Variants in LINGO2 observed in about 807,000 individuals in gnomAD.
LINGO2 encodes the protein leucine-rich repeat and immunoglobulin-like domain-containing nogo receptor-interacting protein 2.
A neutral mutation model predicts 30.6 loss-of-function variants in LINGO2; 14 were observed. The observed-to-expected ratio is 0.46, with a 90% CI of 0.30 to 0.72. The LOEUF is 0.72. LINGO2 is among the 30% of genes least tolerant of loss of function. The probability of loss-of-function intolerance (pLI) is 0.07; values close to 1 mark genes in which losing one functional copy is unlikely to be tolerated. For missense variants in LINGO2, 729 were observed against 751.7 expected (o/e 0.97, Z 0.35); for synonymous variants, 317 against 288.5 (o/e 1.10, Z -1.00).
chr9:28,359,051 G>A (rs781183542), intron 3 of LINGO2, among the ~76,000 whole-genome samples: 3 of 152,120 alleles, frequency 2.0e-5, no homozygotes, highest in Non-Finnish European at 2.9e-5. Context: ...TGCGCAAGAT[G>A]CCCTTGAAAA....
At chr9:29,128,139 T>A in the LINGO2 span, among the ~76,000 whole-genome samples, 1 of 152,058 alleles carries the variant, frequency 6.6e-6, no homozygotes, top group Non-Finnish European at 1.5e-5. Context: ...CCATTGCCTC[T>A]CGAGGGAAAA....
At chr9:28,586,521 T>A (rs767589931) in intron 1 of LINGO2, among the ~76,000 whole-genome samples, 17 of 152,060 alleles carry the variant, frequency 1.1e-4, no homozygotes, top group Non-Finnish European at 2.9e-5. Flanking sequence ...AATTGCATTA[T>A]CATGAATGTA....
the LINGO2 span, among the ~76,000 whole-genome samples, chr9:29,088,961 C>T: frequency 6.6e-6 from 1 of 151,962 alleles, no homozygotes; most frequent in Admixed American, 6.6e-5. Context: ...TTATAAAATG[C>T]TTTCTTCTCT....
intron 1 of LINGO2, among the ~76,000 whole-genome samples, chr9:28,539,504 A>G (rs1181398531): frequency 6.6e-6 from 1 of 152,096 alleles, no homozygotes; most frequent in African/African-American, 2.4e-5. Context: ...AGCAAAATAA[A>G]AAAAAAAACA....
chr9:28,550,784 TA>T (rs2135500788), intron 1 of LINGO2, among the ~76,000 whole-genome samples: 1 of 152,020 alleles, frequency 6.6e-6, no homozygotes, highest in South Asian at 2.1e-4. Context: ...AGGAGTCATA[TA>T]AAATAATGTT....
At chr9:28,302,168 C>G (rs1824172740) in intron 3 of LINGO2, among the ~76,000 whole-genome samples, 1 of 152,128 alleles carries the variant, frequency 6.6e-6, no homozygotes, top group African/African-American at 2.4e-5. Flanking sequence ...GCCATATAAA[C>G]AAGCTAATGC....
chr9:28,200,347 G>A lies in LINGO2; in HGVS notation c.-87+94861C>T, dbSNP rs1306239107. The stretch of plus-strand genomic sequence containing the variant: ...TTTTATCATTTTATTACGTTTAGGG[G>A]AAAAAAAAGCCTCCAAATTTGGAAG... On this transcript the variant is annotated intron_variant, in intron 4 of 5. Transcript: ENST00000379992. 2.6e-5 allele frequency among the ~76,000 whole-genome samples: 4 copies of A among 151,656 alleles called. No homozygotes were observed. The East Asian group carries it at 7.7e-4, about 29-fold the overall frequency.
At chr9:29,105,723 G>C in the LINGO2 span, among the ~76,000 whole-genome samples, 2 of 152,102 alleles carry the variant, frequency 1.3e-5, no homozygotes, top group Non-Finnish European at 2.9e-5. Flanking sequence ...TGAAATATTA[G>C]AAAGACTTTC....
At chr9:29,074,596 T>C in the LINGO2 span, among the ~76,000 whole-genome samples, 3 of 152,054 alleles carry the variant, frequency 2.0e-5, no homozygotes, top group Admixed American at 6.6e-5. Flanking sequence ...GAGGATAGCA[T>C]GTATCAGATT....
intron 4 of LINGO2, among the ~76,000 whole-genome samples, chr9:28,204,243 T>G (rs12238273): frequency 1.3e-5 from 2 of 151,996 alleles, no homozygotes; most frequent in African/African-American, 4.8e-5. Context: ...TACACACACG[T>G]GCATGCACAC....
rs185446185 is a variant in LINGO2 at position 28,597,729 on chromosome 9, T to C, written c.-365+72471A>G. ...GTTTTATAATTATAAAACTATTTTG[T>C]ATGTATGTCTGTATGTATGCATGTA... On this transcript the variant is annotated intron_variant, in intron 1 of 5. Coordinates refer to ENST00000379992, the Ensembl canonical transcript of LINGO2. Among the ~76,000 whole-genome samples, 8 of 152,260 alleles carry C rather than the reference T, an allele frequency of 5.3e-5. No homozygotes were observed. The East Asian group carries it at 1.5e-3, about 29-fold the overall frequency.
At chr9:28,029,802 G>A (rs1823576545) in intron 4 of LINGO2, among the ~76,000 whole-genome samples, 1 of 152,184 alleles carries the variant, frequency 6.6e-6, no homozygotes. Flanking sequence ...TTCCTGGCAT[G>A]TACAAATTCT....
At chr9:28,626,828 G>T (rs568526331) in intron 1 of LINGO2, among the ~76,000 whole-genome samples, 1 of 148,622 alleles carries the variant, frequency 6.7e-6, no homozygotes, top group African/African-American at 2.5e-5. Context: ...AAATTCTATT[G>T]TGTGTGTGTG....
chr9:28,215,773 G>A (rs992664336), intron 4 of LINGO2, among the ~76,000 whole-genome samples: 47 of 151,634 alleles, frequency 3.1e-4, no homozygotes, highest in African/African-American at 1.0e-3. Context: ...TCATAGTCAC[G>A]GTATTGATTT....
chr9:29,184,445 T>C, the LINGO2 span, among the ~76,000 whole-genome samples: 2 of 152,070 alleles, frequency 1.3e-5, no homozygotes, highest in Non-Finnish European at 2.9e-5. Flanking sequence ...TCATGTTCTA[T>C]AGGGGGGAAG....
At chr9:28,285,533 G>A (rs1007117456) in intron 4 of LINGO2, among the ~76,000 whole-genome samples, 4 of 147,496 alleles carry the variant, frequency 2.7e-5, no homozygotes, top group Admixed American at 2.1e-4. Context: ...AGCCTCCCCA[G>A]CAGCTGGGAC....
At chr9:28,122,979 C>A (rs1827140332) in intron 4 of LINGO2, among the ~76,000 whole-genome samples, 1 of 152,136 alleles carries the variant, frequency 6.6e-6, no homozygotes, top group Non-Finnish European at 1.5e-5. Context: ...TGTCTCTTTT[C>A]TATTTCTTTT....
At chr9:27,994,527 G>A (rs927610581) in intron 5 of LINGO2, among the ~76,000 whole-genome samples, 4 of 152,060 alleles carry the variant, frequency 2.6e-5, no homozygotes, top group Non-Finnish European at 5.9e-5. Flanking sequence ...CCAGCATGCT[G>A]GATATGAGGA....
chr9:28,685,229 T>C, the LINGO2 span, among the ~76,000 whole-genome samples: 1 of 152,204 alleles, frequency 6.6e-6, no homozygotes, highest in Non-Finnish European at 1.5e-5. Flanking sequence ...CAATCTGCCA[T>C]TGATGAGCAT....
Sources: gnomAD v4.1 joint callset for allele counts (sites outside exome capture counted in the v4.1 genomes callset) on GRCh38, gnomAD v4.1.1 for gene constraint, MANE v1.5 for transcripts, NCBI Gene and HGNC (gene_info 2026-07-23, HGNC 2026-07-21) for gene names.